Variants in ZNF175 observed in about 807,000 individuals in gnomAD.
ZNF175 encodes the protein zinc finger protein OTK18.
A neutral mutation model predicts 14.0 loss-of-function variants in ZNF175; 8 were observed. The observed-to-expected ratio is 0.57, with a 90% CI of 0.34 to 1.03. ZNF175 has a LOEUF of 1.03. Ranked by LOEUF, ZNF175 falls within the 50% of genes least tolerant of loss-of-function variation. The pLI, the probability that ZNF175 is intolerant of heterozygous loss-of-function variation, is 0.03. For missense variants in ZNF175, 764 were observed against 849.5 expected (o/e 0.90, Z 1.25); for synonymous variants, 255 against 296.8 (o/e 0.86, Z 1.45).
chr19:51,573,462 C>A, intron 2 of ZNF175, 61 bp downstream of exon 2: 1 of 1,536,852 alleles, frequency 6.5e-7, no homozygotes, highest in Non-Finnish European at 8.9e-7. Flanking sequence ...CAGGATGCAG[C>A]AGGTCTGGGC....
chr19:51,581,102 G>A (rs552195217), intron 2 of ZNF175, among the ~76,000 whole-genome samples: 64 of 151,828 alleles, frequency 4.2e-4, no homozygotes, highest in African/African-American at 1.3e-3. Context: ...TAGTTGCTTC[G>A]TCAACATCAT....
chr19:51,589,022 A>T lies in ZNF175; in HGVS notation c.*555A>T, dbSNP rs564156569. 6 of 280,612 alleles carry T rather than the reference A, an allele frequency of 2.1e-5. No homozygotes were observed. The highest frequency in any genetic ancestry group is 1.1e-4 in the African/African-American group (5 of 46,206). 17.4% of individuals were successfully genotyped at this position (280,612 alleles called of 1,614,324 possible). On this transcript the variant is annotated 3_prime_UTR_variant, in exon 5 of 5. Transcript: ENST00000262259. ...ATCAGAAGCATTTTGGATTTCAGATACTTACAGATTTTGGAATATTTGCAT... is the reference window on the plus strand; with the variant it reads ...ATCAGAAGCATTTTGGATTTCAGATTCTTACAGATTTTGGAATATTTGCAT...
At chr19:51,572,340 G>A (rs994091098) in intron 1 of ZNF175, among the ~76,000 whole-genome samples, 4 of 152,116 alleles carry the variant, frequency 2.6e-5, no homozygotes, top group African/African-American at 7.2e-5. Context: ...GGTGCGGTGG[G>A]GGCAACTTAT....
intron 2 of ZNF175, among the ~76,000 whole-genome samples, chr19:51,578,551 T>C (rs898170231): frequency 2.2e-4 from 34 of 152,164 alleles, no homozygotes; most frequent in Admixed American, 1.0e-3. Flanking sequence ...GAGGATTGCT[T>C]GAGCCCAGGA....
chr19:51,577,796 T>C (rs1354295427), intron 2 of ZNF175, among the ~76,000 whole-genome samples: 5 of 151,694 alleles, frequency 3.3e-5, no homozygotes, highest in Non-Finnish European at 7.4e-5. Context: ...CCCGAGTAGC[T>C]GGGACTAAAG....
At chr19:51,578,114 C>T (rs560909503) in intron 2 of ZNF175, among the ~76,000 whole-genome samples, 13 of 151,868 alleles carry the variant, frequency 8.6e-5, no homozygotes, top group South Asian at 2.1e-4. Flanking sequence ...TTTTAAAAAA[C>T]GAGGCCGGAT....
At chr19:51,576,854 C>A (rs1249027017) in intron 2 of ZNF175, among the ~76,000 whole-genome samples, 3 of 152,082 alleles carry the variant, frequency 2.0e-5, no homozygotes, top group Admixed American at 2.0e-4. Context: ...GAAAGTGCAT[C>A]CCCTAGGAGT....
intron 3 of ZNF175, 67 bp from the exon 4 acceptor site, chr19:51,581,720 G>C (rs1321611540): frequency 6.3e-7 from 1 of 1,581,790 alleles, no homozygotes. Context: ...CCAGTGTAAA[G>C]CTTCATTGAA....
intron 2 of ZNF175, 151 bp from the exon 3 acceptor site, chr19:51,581,240 T>G (rs893482883): frequency 1.9e-6 from 2 of 1,034,286 alleles, no homozygotes; most frequent in African/African-American, 3.2e-5. Context: ...TATTTTTTTT[T>G]AAATCCCTAA....
chr19:51,584,402 C>T (rs189842643), intron 4 of ZNF175, among the ~76,000 whole-genome samples: 5 of 152,172 alleles, frequency 3.3e-5, no homozygotes, highest in South Asian at 2.1e-4. Context: ...TTTTTGCAAT[C>T]GACATTGTTA....
rs1301809393 is a variant in ZNF175, at chr19:51,587,414, G to T, written c.1083G>T (p.Lys361Asn). 6.2e-7 allele frequency: 1 copy of T among 1,614,062 alleles called. No homozygotes were observed. Among genetic ancestry groups the T allele is most frequent in the Non-Finnish European group, 8.5e-7 (1 of 1,179,986 alleles). ...ACCAGAAAACACACACTAGAAAGAA[G>T]CCCTATAAATGCCATGACTGTGGAA... is the stretch of plus-strand genomic sequence containing the variant. Reference protein sequence around the residue: ...LTHQKTHTRKKPYKCHDCGKA... With the variant: ...LTHQKTHTRKNPYKCHDCGKA... The change falls in exon 5 of 5, where the codon AAG becomes AAT. Residue 361 changes from lysine (K) to asparagine (N), a missense_variant. Coordinates refer to ENST00000262259, the MANE Select transcript of ZNF175 (RefSeq NM_007147.4).
At position 51,588,073 on chromosome 19, in the gene ZNF175, A is replaced by T. The variant is rs752023484; in HGVS notation, c.1742A>T (p.His581Leu). The T allele has an allele frequency of 6.2e-7, 1 of 1,614,250 alleles. No individual in the cohort carries two copies. The highest frequency in any genetic ancestry group is 8.5e-7 in the Non-Finnish European group (1 of 1,180,018). Residue 581 changes from histidine to leucine, a missense_variant, in exon 5 of 5, where the codon CAC becomes CTC. Coordinates refer to ENST00000262259, the MANE Select transcript of ZNF175 (RefSeq NM_007147.4). Reference sequence around the variant, plus strand: ...CAATTCAAAGAGCATCAGCGAATTCACACGGGTGAGAAACCCTATGTGTGC... The same window carrying T: ...CAATTCAAAGAGCATCAGCGAATTCTCACGGGTGAGAAACCCTATGTGTGC... ...KSQFKEHQRI[H>L]TGEKPYVCTE...
chr19:51,573,591 G>T, intron 2 of ZNF175, 190 bp downstream of exon 2: 3 of 584,328 alleles, frequency 5.1e-6, no homozygotes, highest in Non-Finnish European at 8.9e-6. Context: ...GATAAAAGAG[G>T]ATAGTAGAGG....
chr19:51,587,449 T>G lies in ZNF175; in HGVS notation c.1118T>G (p.Phe373Cys). Residue 373 changes from phenylalanine to cysteine, a missense_variant, in exon 5 of 5, where the codon TTC (phenylalanine) becomes TGC (cysteine). Transcript: ENST00000262259. ...TGCCATGACTGTGGAAAAGCCTTTT[T>G]CCAGATGTTATCTCTCTTCAGACAT... ...YKCHDCGKAF[F>C]QMLSLFRHQR... 1.2e-6 allele frequency: 2 copies of G among 1,614,192 alleles called. No homozygotes were observed. Among genetic ancestry groups the G allele is most frequent in the East Asian group, 2.2e-5 (1 of 44,874 alleles).
At chr19:51,577,756 C>T (rs11084090) in intron 2 of ZNF175, among the ~76,000 whole-genome samples, 110,810 of 150,008 alleles carry the variant, frequency 0.74, 41,145 homozygotes, top group East Asian at 0.99. Flanking sequence ...CTCCGCCTCC[C>T]GGGTTCACGC....
chr19:51,573,296 C>A lies in ZNF175; in HGVS notation c.-34C>A. The A allele has an allele frequency of 6.2e-7, 1 of 1,609,178 alleles. No homozygotes were observed. Reference sequence around the variant, plus strand: ...CTCCTGGGAAAAGTGGAGTTGTCAGCAAGAGAGACCGAGAGTAGAAGCCCA... The same window carrying A: ...CTCCTGGGAAAAGTGGAGTTGTCAGAAAGAGAGACCGAGAGTAGAAGCCCA... On this transcript the variant is annotated 5_prime_UTR_variant, in exon 2 of 5. Coordinates refer to ENST00000262259, the MANE Select transcript of ZNF175 (RefSeq NM_007147.4).
Position 51,591,789 on chromosome 19 carries a change from T to C in ZNF175, c.*3322T>C, listed in dbSNP as rs4801878. On this transcript the variant is annotated 3_prime_UTR_variant, in exon 5 of 5. Coordinates refer to ENST00000262259, the MANE Select transcript of ZNF175 (RefSeq NM_007147.4). ...CCTTTTTTTTTTTTTTCTTGTGAGATGGAGTCTCGCTCTGTCGCCCAGGCT... is the reference window on the plus strand; with the variant it reads ...CCTTTTTTTTTTTTTTCTTGTGAGACGGAGTCTCGCTCTGTCGCCCAGGCT... 0.28 allele frequency: 40,573 copies of C among 145,428 alleles called. 6,928 individuals are homozygous for C. The highest frequency in any genetic ancestry group is 0.72 in the East Asian group (3,482 of 4,822). 9.0% of individuals were successfully genotyped at this position (145,428 alleles called of 1,614,324 possible).
At position 51,587,882 on chromosome 19, in the gene ZNF175, C is replaced by A. The variant is rs1386608090; in HGVS notation, c.1551C>A (p.His517Gln). Reference sequence around the variant, plus strand: ...GAAAAACCTTCACCCAAAAGTCACACCTGAATATACACCAGAAAATTCATA... The same window carrying A: ...GAAAAACCTTCACCCAAAAGTCACAACTGAATATACACCAGAAAATTCATA... ...DCGKTFTQKS[H>Q]LNIHQKIHTG... Residue 517 changes from histidine (H) to glutamine (Q), a missense_variant, in exon 5 of 5, where the codon CAC becomes CAA. His to Gln is a conservative substitution (Grantham distance 24). Transcript: ENST00000262259. 1 of 1,613,968 alleles carries A rather than the reference C, an allele frequency of 6.2e-7. No homozygotes were observed. Among genetic ancestry groups the A allele is most frequent in the Non-Finnish European group, 8.5e-7 (1 of 1,180,028 alleles).
intron 2 of ZNF175, among the ~76,000 whole-genome samples, chr19:51,577,167 A>G (rs1251897850): frequency 6.6e-6 from 1 of 152,210 alleles, no homozygotes; most frequent in East Asian, 1.9e-4. Flanking sequence ...ATATATTTGC[A>G]TATTTAATAG....
Sources: allele counts gnomAD v4.1 joint callset (sites outside exome capture counted in the v4.1 genomes callset), GRCh38; gene constraint gnomAD v4.1.1; transcripts MANE v1.5; gene names NCBI Gene and HGNC (gene_info 2026-07-23, HGNC 2026-07-21).